The following RNF152 variants were observed in gnomAD, a reference collection of about 807,000 sequenced individuals.
RNF152 encodes the protein ring finger protein 152.
A neutral mutation model predicts 12.7 loss-of-function variants in RNF152; 11 were observed. The observed-to-expected ratio is 0.86, with a 90% CI of 0.54 to 1.43. RNF152 has a LOEUF of 1.43. Ranked by LOEUF, RNF152 falls within the 40% of genes most tolerant of loss-of-function variation. The pLI is 0.00. For synonymous variants in RNF152, 113 were observed against 120.3 expected, an observed-to-expected ratio of 0.94 and a Z score of 0.40; for missense variants, 255 against 274.8, an observed-to-expected ratio of 0.93 and a Z score of 0.51.
At chr18:61,827,549 A>G (rs1481229592) in intron 1 of RNF152, among the ~76,000 whole-genome samples, 1 of 152,242 alleles carries the variant, frequency 6.6e-6, no homozygotes, top group African/African-American at 2.4e-5. Flanking sequence ...AACATTCTAT[A>G]TTAACACTTG....
chr18:61,831,863 A>T (rs1013444043), intron 1 of RNF152, among the ~76,000 whole-genome samples: 4 of 152,144 alleles, frequency 2.6e-5, no homozygotes, highest in South Asian at 2.1e-4. Flanking sequence ...AGAACATTTT[A>T]AAAAATTATG....
At position 61,865,729 on chromosome 18, in the gene RNF152, G is replaced by T. The variant is rs1005677347; in HGVS notation, c.-136+27066C>A. 8.5e-4 allele frequency among the ~76,000 whole-genome samples: 129 copies of T among 152,156 alleles called. 12 individuals carry two copies. The highest frequency in any genetic ancestry group is 1.6e-4 in the Non-Finnish European group (11 of 68,040). On this transcript the variant is annotated intron_variant, in intron 1 of 1. Transcript: ENST00000312828. ...AGAATTTTCTGAACATTAGAGTTTA[G>T]ACATAGAGCCCAATGGACTTCCAAG...
chr18:61,884,637 C>T (rs4078129), intron 1 of RNF152, among the ~76,000 whole-genome samples: 79,606 of 152,042 alleles, frequency 0.52, 20,929 homozygotes, highest in East Asian at 0.75. Flanking sequence ...CAGCTCACTG[C>T]AACCTCCACC....
intron 1 of RNF152, among the ~76,000 whole-genome samples, chr18:61,821,349 G>A (rs919205028): frequency 1.3e-5 from 2 of 152,130 alleles, no homozygotes; most frequent in African/African-American, 4.8e-5. Flanking sequence ...TCTGATTTAT[G>A]CACTGATTTG....
At chr18:61,831,921 GT>G (rs149688390) in intron 1 of RNF152, among the ~76,000 whole-genome samples, 66,089 of 150,698 alleles carry the variant, frequency 0.44, 15,235 homozygotes, top group Non-Finnish European at 0.52. Flanking sequence ...TATTATGTGT[GT>G]GGGGGGGTGT....
chr18:61,857,248 T>A (rs1249897557), intron 1 of RNF152, among the ~76,000 whole-genome samples: 1 of 152,194 alleles, frequency 6.6e-6, no homozygotes, highest in African/African-American at 2.4e-5. Flanking sequence ...ATGAGAAAAC[T>A]GAGACTTAAG....
In RNF152 at chr18:61,851,668, A is replaced by T. The variant is rs138796502; in HGVS notation, c.-135-35070T>A. ...ATAATCCAGACTGTCTGGACACCCA[A>T]ATTCACCCAGGGCAATCTTAAAAGA... On this transcript the variant is annotated intron_variant, in intron 1 of 1. Coordinates refer to ENST00000312828, the MANE Select transcript of RNF152 (RefSeq NM_173557.3). Among the ~76,000 whole-genome samples the T allele has an allele frequency of 1.0e-3, 158 of 152,290 alleles. 1 individual carries two copies. Among genetic ancestry groups the T allele is most frequent in the African/African-American group, 3.5e-3 (146 of 41,550 alleles).
intron 1 of RNF152, among the ~76,000 whole-genome samples, chr18:61,848,580 A>G (rs1910836948): frequency 6.6e-6 from 1 of 152,334 alleles, no homozygotes; most frequent in South Asian, 2.1e-4. Flanking sequence ...TAGTATTTGC[A>G]GAGAGGCTTC....
rs1316316500 is a variant in RNF152, at chr18:61,813,276, T to TCACA, written c.*2575_*2576insTGTG. 2 of 92,684 alleles carry TCACA rather than the reference T, an allele frequency of 2.2e-5. No homozygotes were observed. Among genetic ancestry groups the TCACA allele is most frequent in the Non-Finnish European group, 4.9e-5 (2 of 41,028 alleles). 5.7% of individuals were successfully genotyped at this position (92,684 alleles called of 1,614,324 possible). ...CTGAGATTCTCTCTCTCTCTCTCTC[T>TCACA]CTCACACACACACACACACACACAC... On this transcript the variant is annotated 3_prime_UTR_variant, in exon 2 of 2. Coordinates refer to ENST00000312828, the MANE Select transcript of RNF152 (RefSeq NM_173557.3).
intron 1 of RNF152, among the ~76,000 whole-genome samples, chr18:61,869,380 C>T (rs1179895600): frequency 2.0e-5 from 3 of 152,132 alleles, no homozygotes; most frequent in Non-Finnish European, 4.4e-5. Context: ...CCCCTACTTC[C>T]AAATAAACAT....
At position 61,815,836 on chromosome 18, in the gene RNF152, T is replaced by C. The variant is rs758148365; in HGVS notation, c.*16A>G. On this transcript the variant is annotated 3_prime_UTR_variant, in exon 2 of 2. Coordinates refer to ENST00000312828, the MANE Select transcript of RNF152 (RefSeq NM_173557.3). ...CCCTAAGTTGGCACCCACAAGAGAC[T>C]TCCCTGCAGCCCTCTTCAGCCACAG... is the stretch of plus-strand genomic sequence containing the variant. The C allele has an allele frequency of 1.9e-6, 3 of 1,607,716 alleles. No homozygotes were observed. The Admixed American group carries it at 5.0e-5, about 27-fold the overall frequency.
At chr18:61,875,510 C>T (rs1009417307) in intron 1 of RNF152, among the ~76,000 whole-genome samples, 19 of 152,186 alleles carry the variant, frequency 1.2e-4, no homozygotes, top group African/African-American at 4.6e-4. Flanking sequence ...TAGAGAGCTT[C>T]TCTCCCTGGT....
intron 1 of RNF152, among the ~76,000 whole-genome samples, chr18:61,863,383 G>A (rs1196459103): frequency 2.0e-5 from 3 of 150,688 alleles, no homozygotes; most frequent in Admixed American, 6.6e-5. Context: ...TGCAGTGAGC[G>A]GCGATCGTGC....
intron 1 of RNF152, among the ~76,000 whole-genome samples, chr18:61,819,919 G>T (rs1599260950): frequency 6.6e-6 from 1 of 151,748 alleles, no homozygotes; most frequent in East Asian, 1.9e-4. Context: ...TACTCAGGAG[G>T]CTGAGGCAGG....
chr18:61,890,324 A>C (rs1912897802), intron 1 of RNF152: 1 of 152,230 alleles, frequency 6.6e-6, no homozygotes, highest in Non-Finnish European at 1.5e-5. Context: ...GTGATTAAAT[A>C]GGGTCATATG....
At chr18:61,865,721 A>G (rs1028478160) in intron 1 of RNF152, among the ~76,000 whole-genome samples, 2 of 152,210 alleles carry the variant, frequency 1.3e-5, no homozygotes, top group African/African-American at 2.4e-5. Flanking sequence ...TCTGAACATT[A>G]GAGTTTAGAC....
In RNF152 at chr18:61,812,091, T is replaced by C; in HGVS notation, c.*3761A>G. The stretch of plus-strand genomic sequence containing the variant: ...ACAAACTCTCACCTTAGCCTCACTG[T>C]TACTCCATTAATACCTTGATGCTGG... On this transcript the variant is annotated 3_prime_UTR_variant, in exon 2 of 2. Transcript: ENST00000312828. 1 of 152,226 alleles carries C rather than the reference T, an allele frequency of 6.6e-6. No homozygotes were observed. Among genetic ancestry groups the C allele is most frequent in the Non-Finnish European group, 1.5e-5 (1 of 68,042 alleles). 9.4% of individuals were successfully genotyped at this position (152,226 alleles called of 1,614,324 possible). A position where few individuals can be genotyped will look rare whatever the true frequency, so the allele number is the denominator to read the frequency against.
At position 61,891,176 on chromosome 18, in the gene RNF152, G is replaced by A. The variant is rs887079491; in HGVS notation, c.-136+1619C>T. On this transcript the variant is annotated intron_variant, in intron 1 of 1. Coordinates refer to ENST00000312828, the MANE Select transcript of RNF152 (RefSeq NM_173557.3). ...TGTAGAAAGGAAGCAGGCATTGGAG[G>A]CAGAGATCAGCCTAATAGCCTCTAG... Among the ~76,000 whole-genome samples, 23 of 152,268 alleles carry A rather than the reference G, an allele frequency of 1.5e-4. No homozygotes were observed. In the Middle Eastern group the frequency reaches 0.01, roughly 68 times the overall value.
chr18:61,861,392 T>G (rs1282102949), intron 1 of RNF152, among the ~76,000 whole-genome samples: 1 of 152,262 alleles, frequency 6.6e-6, no homozygotes, highest in Non-Finnish European at 1.5e-5. Flanking sequence ...TAATATGCTG[T>G]ACAGGTTTGC....
Sources: gnomAD v4.1 joint callset for allele counts (sites outside exome capture counted in the v4.1 genomes callset) on GRCh38, gnomAD v4.1.1 for gene constraint, MANE v1.5 for transcripts, NCBI Gene and HGNC (gene_info 2026-07-23, HGNC 2026-07-21) for gene names.